The following PTPRN2 variants were observed in gnomAD, a reference collection of about 807,000 sequenced individuals.
The protein encoded by PTPRN2 is receptor-type tyrosine-protein phosphatase N2.
PTPRN2 carries 74 observed loss-of-function variants against 118.8 expected under a neutral mutation model. The ratio of observed to expected loss-of-function variants is 0.62; its 90% CI spans 0.52 to 0.76. PTPRN2 has a LOEUF of 0.76. Among genes scored for constraint, PTPRN2 ranks in the 30% least tolerant of loss-of-function variants. PTPRN2 has a pLI of 0.00. For synonymous variants in PTPRN2, 641 were observed against 608.0 expected (o/e 1.05, Z -0.80); for missense variants, 1,481 against 1,394.4 (o/e 1.06, Z -0.99).
At chr7:158,244,792 AGT>A (rs1179599748) in intron 3 of PTPRN2, among the ~76,000 whole-genome samples, 1 of 149,588 alleles carries the variant, frequency 6.7e-6, no homozygotes, top group Admixed American at 6.7e-5. Flanking sequence ...GAGTTGTGTG[AGT>A]GTGAGTTGTG....
At chr7:158,099,008 AACACATCCCG>A (rs1563432610) in intron 10 of PTPRN2, among the ~76,000 whole-genome samples, 2 of 12,672 alleles carry the variant, frequency 1.6e-4, no homozygotes, top group East Asian at 1.8e-3. Context: ...TTCCTCCCCC[AACACATCCCG>A]GCTGCCTCCC....
rs150449208 is a variant in PTPRN2 at position 158,061,395 on chromosome 7, G to A, written c.1723+19903C>T. On this transcript the variant is annotated intron_variant, in intron 11 of 22. Coordinates refer to ENST00000389418, the MANE Select transcript of PTPRN2 (RefSeq NM_002847.5). ...CCCACCTGCTCCAGACACCTGTTCC[G>A]AGGGAATCTCTCCCATCCACCTGCC... Among the ~76,000 whole-genome samples the A allele has an allele frequency of 4.8e-3, 736 of 152,310 alleles. 8 individuals carry two copies. Among genetic ancestry groups the A allele is most frequent in the African/African-American group, 0.017 (703 of 41,570 alleles).
chr7:158,144,612 C>A (rs901977848), intron 6 of PTPRN2, among the ~76,000 whole-genome samples: 1 of 152,110 alleles, frequency 6.6e-6, no homozygotes, highest in African/African-American at 2.4e-5. Context: ...GCACTCCAGC[C>A]TGGGCGATAG....
chr7:157,822,590 A>G (rs1029255405), intron 12 of PTPRN2, among the ~76,000 whole-genome samples: 2 of 151,764 alleles, frequency 1.3e-5, no homozygotes, highest in Non-Finnish European at 2.9e-5. Context: ...ACACTTATCC[A>G]TTCATCCAAT....
At chr7:158,335,650 CT>C (rs1805410920) in intron 2 of PTPRN2, among the ~76,000 whole-genome samples, 1 of 12,228 alleles carries the variant, frequency 8.2e-5, no homozygotes, top group Non-Finnish European at 2.4e-4. Flanking sequence ...CACGTACACA[CT>C]TCTCACCATA....
intron 1 of PTPRN2, among the ~76,000 whole-genome samples, chr7:158,505,383 G>A (rs117567028): frequency 4.3e-4 from 65 of 152,126 alleles, no homozygotes; most frequent in African/African-American, 1.4e-3. Context: ...CTCCATGAGC[G>A]TGCAGAATTC....
chr7:158,104,519 AGAG>A (rs1408968290), intron 10 of PTPRN2, among the ~76,000 whole-genome samples: 5 of 152,150 alleles, frequency 3.3e-5, no homozygotes, highest in East Asian at 1.9e-4. Context: ...GCAGGGACAG[AGAG>A]GAGAACAGAA....
intron 12 of PTPRN2, among the ~76,000 whole-genome samples, chr7:157,792,804 T>C (rs4716780): frequency 0.11 from 17,045 of 152,056 alleles, 1,068 homozygotes; most frequent in African/African-American, 0.14. Flanking sequence ...AGGGCTTGGG[T>C]ACTTCTTATT....
At chr7:158,253,637 A>G (rs1796832989) in intron 3 of PTPRN2, among the ~76,000 whole-genome samples, 1 of 152,202 alleles carries the variant, frequency 6.6e-6, no homozygotes, top group South Asian at 2.1e-4. Flanking sequence ...TGAGTCTTCC[A>G]TGAGAATCTG....
At chr7:158,484,963 C>G (rs1336968677) in intron 2 of PTPRN2, among the ~76,000 whole-genome samples, 3 of 152,174 alleles carry the variant, frequency 2.0e-5, no homozygotes, top group African/African-American at 7.2e-5. Flanking sequence ...ATCAGCGTGG[C>G]CGGCGGAGTG....
chr7:158,174,373 A>T (rs1442082718), intron 5 of PTPRN2, among the ~76,000 whole-genome samples: 2 of 152,050 alleles, frequency 1.3e-5, no homozygotes, highest in African/African-American at 4.8e-5. Context: ...CCACAGCAGC[A>T]TCCCCACCAT....
intron 12 of PTPRN2, among the ~76,000 whole-genome samples, chr7:157,710,007 T>C (rs1246364983): frequency 6.6e-6 from 1 of 152,212 alleles, no homozygotes; most frequent in Non-Finnish European, 1.5e-5. Context: ...GCGTGAGGCA[T>C]ACAGAGGCCC....
chr7:157,931,428 C>T (rs1300114212), intron 11 of PTPRN2, among the ~76,000 whole-genome samples: 1 of 152,194 alleles, frequency 6.6e-6, no homozygotes, highest in Non-Finnish European at 1.5e-5. Context: ...GCAGAGCCGT[C>T]AGCACAACAG....
At chr7:157,707,477 C>G (rs1798392687) in intron 12 of PTPRN2, among the ~76,000 whole-genome samples, 2 of 152,230 alleles carry the variant, frequency 1.3e-5, no homozygotes, top group Admixed American at 6.5e-5. Context: ...CCGCTAAGTA[C>G]CCTTCAGGGA....
chr7:158,226,490 G>A (rs1828788190), intron 3 of PTPRN2, among the ~76,000 whole-genome samples: 1 of 152,114 alleles, frequency 6.6e-6, no homozygotes, highest in African/African-American at 2.4e-5. Context: ...CCCGTGGGAG[G>A]GGCAGGTGGA....
rs1343461508 is a variant in PTPRN2, at chr7:158,022,253, A to G, written c.1723+59045T>C. ...AGTGCTTTTACTTTCCCCATTGCTG[A>G]CCCTACAGCATGATGACTCCGTTTC... On this transcript the variant is annotated intron_variant, in intron 11 of 22. Transcript: ENST00000389418. This position sits in a 1 kb window ranked among gnomAD's most constrained non-coding sequence, Gnocchi z 4.6. Among the ~76,000 whole-genome samples, 1 of 152,078 alleles carries G rather than the reference A, an allele frequency of 6.6e-6. No homozygotes were observed. Among genetic ancestry groups the G allele is most frequent in the African/African-American group, 2.4e-5 (1 of 41,414 alleles).
chr7:158,080,793 G>A (rs1043782171), intron 11 of PTPRN2, among the ~76,000 whole-genome samples: 1 of 152,188 alleles, frequency 6.6e-6, no homozygotes, highest in South Asian at 2.1e-4. Context: ...CAGTGAAACC[G>A]TCTGGAAGTC....
intron 2 of PTPRN2, among the ~76,000 whole-genome samples, chr7:158,340,638 C>A (rs1351347914): frequency 1.9e-5 from 2 of 106,422 alleles, no homozygotes; most frequent in African/African-American, 3.4e-5. Context: ...ACACTCTAGC[C>A]ATAAGAGCTG....
intron 12 of PTPRN2, among the ~76,000 whole-genome samples, chr7:157,866,941 C>T (rs112786840): frequency 1.3e-4 from 16 of 119,048 alleles, no homozygotes; most frequent in African/African-American, 3.5e-4. Context: ...ACCCCGCCCC[C>T]GACGCCCTGG....
Sources: gnomAD v4.1 joint callset for allele counts (sites outside exome capture counted in the v4.1 genomes callset) on GRCh38, gnomAD v4.1.1 for gene constraint, Gnocchi (gnomAD v3.1) non-coding constraint, MANE v1.5 for transcripts, NCBI Gene and HGNC (gene_info 2026-07-23, HGNC 2026-07-21) for gene names.